Variants in PRMT3 observed in about 807,000 individuals in gnomAD.
The protein encoded by PRMT3 is protein arginine N-methyltransferase 3.
Under a neutral mutation model 71.9 loss-of-function variants are expected in PRMT3, and 62 were observed. The observed-to-expected ratio is 0.86, with a 90% CI of 0.70 to 1.07. PRMT3 has a LOEUF of 1.07. Ranked by LOEUF, PRMT3 falls within the 50% of genes least tolerant of loss-of-function variation. PRMT3 has a pLI of 0.00. For missense variants in PRMT3, 663 were observed against 643.0 expected (o/e 1.03, Z -0.34); for synonymous variants, 213 against 220.4 (o/e 0.97, Z 0.30).
chr11:20,468,419 A>T (rs1440327255), intron 13 of PRMT3, among the ~76,000 whole-genome samples: 1 of 152,126 alleles, frequency 6.6e-6, no homozygotes, highest in Non-Finnish European at 1.5e-5. Flanking sequence ...CCTAGGCTGG[A>T]GTGCAGTGGC....
intron 13 of PRMT3, among the ~76,000 whole-genome samples, chr11:20,487,468 TTA>T (rs1851102112): frequency 1.3e-5 from 2 of 152,208 alleles, no homozygotes; most frequent in Non-Finnish European, 2.9e-5. Flanking sequence ...GTATGATTCT[TTA>T]TATATTGAAG....
At chr11:20,431,512 ACTAG>A (rs968736167) in intron 10 of PRMT3, among the ~76,000 whole-genome samples, 1 of 152,160 alleles carries the variant, frequency 6.6e-6, no homozygotes, top group African/African-American at 2.4e-5. Context: ...GAGCTACTAC[ACTAG>A]CTAATTCAAT....
intron 3 of PRMT3, among the ~76,000 whole-genome samples, chr11:20,391,739 G>A (rs1268542636): frequency 1.3e-5 from 2 of 152,000 alleles, no homozygotes; most frequent in Non-Finnish European, 2.9e-5. Flanking sequence ...CTTCATTTCT[G>A]GAAAGATACG....
intron 2 of PRMT3, among the ~76,000 whole-genome samples, chr11:20,388,487 T>C (rs138999041): frequency 1.1e-3 from 164 of 152,330 alleles, no homozygotes; most frequent in African/African-American, 3.3e-3. Flanking sequence ...TCTAAGAATA[T>C]TCTGTTTTTA....
chr11:20,463,319 G>C (rs576954658), intron 12 of PRMT3, among the ~76,000 whole-genome samples: 1 of 152,296 alleles, frequency 6.6e-6, no homozygotes, highest in Admixed American at 6.5e-5. Context: ...AAGAAAAACA[G>C]TCTGCTTGAT....
chr11:20,505,772 G>C (rs1851576469), intron 15 of PRMT3, among the ~76,000 whole-genome samples: 1 of 150,894 alleles, frequency 6.6e-6, no homozygotes, highest in Non-Finnish European at 1.5e-5. Context: ...CCTTAGATAA[G>C]AAAACGTGTA....
chr11:20,445,123 ACTTTTC>A (rs1849995122), intron 10 of PRMT3, among the ~76,000 whole-genome samples: 1 of 151,910 alleles, frequency 6.6e-6, no homozygotes, highest in South Asian at 2.1e-4. Context: ...CACTTTCTTG[ACTTTTC>A]CTTTTCTAAA....
At chr11:20,473,675 G>T (rs911115117) in intron 13 of PRMT3, among the ~76,000 whole-genome samples, 6 of 152,004 alleles carry the variant, frequency 3.9e-5, no homozygotes, top group African/African-American at 1.4e-4. Context: ...TTTACATTGG[G>T]TTGCAACGTG....
intron 13 of PRMT3, among the ~76,000 whole-genome samples, chr11:20,472,183 T>C (rs1248678972): frequency 1.3e-5 from 2 of 152,136 alleles, no homozygotes; most frequent in Non-Finnish European, 2.9e-5. Flanking sequence ...TATTTAAATA[T>C]GCTTTATTTC....
intron 13 of PRMT3, among the ~76,000 whole-genome samples, chr11:20,486,831 C>CCTGCACTTCGGCAGGGCGA (rs1851085198): frequency 6.6e-6 from 1 of 152,000 alleles, no homozygotes; most frequent in Admixed American, 6.5e-5. Flanking sequence ...GCGAAGCAGG[C>CCTGCACTTCGGCAGGGCGA]AGGTGGCTTG....
At chr11:20,430,063 A>G (rs1041319544) in intron 10 of PRMT3, among the ~76,000 whole-genome samples, 11 of 152,202 alleles carry the variant, frequency 7.2e-5, no homozygotes, top group African/African-American at 2.7e-4. Flanking sequence ...ACAGTAGGCA[A>G]ATGGTAAACA....
At chr11:20,463,776 C>T (rs1029419087) in intron 12 of PRMT3, among the ~76,000 whole-genome samples, 9 of 152,154 alleles carry the variant, frequency 5.9e-5, no homozygotes, top group African/African-American at 2.2e-4. Flanking sequence ...TTACAGCACA[C>T]TTCTGGTTAG....
intron 10 of PRMT3, among the ~76,000 whole-genome samples, chr11:20,427,689 G>C (rs1432883024): frequency 6.6e-6 from 1 of 152,034 alleles, no homozygotes; most frequent in East Asian, 1.9e-4. Flanking sequence ...TCACGCCACT[G>C]CACCCCAACC....
At chr11:20,393,072 G>C in intron 5 of PRMT3, 73 bp downstream of exon 5, 3 of 922,600 alleles carry the variant, frequency 3.3e-6, no homozygotes, top group Non-Finnish European at 5.1e-6. Flanking sequence ...GAGGTAGAGT[G>C]TTTTAGGAAA....
chr11:20,421,066 T>C (rs1849414807), intron 9 of PRMT3, among the ~76,000 whole-genome samples: 1 of 151,998 alleles, frequency 6.6e-6, no homozygotes, highest in Non-Finnish European at 1.5e-5. Context: ...TGAGACAGGG[T>C]CTTAGTTTGT....
At chr11:20,456,948 A>G (rs1411492889) in intron 11 of PRMT3, among the ~76,000 whole-genome samples, 1 of 152,064 alleles carries the variant, frequency 6.6e-6, no homozygotes, top group Non-Finnish European at 1.5e-5. Context: ...ATCTTGGCTC[A>G]CTGCAACCTT....
intron 12 of PRMT3, 126 bp from the exon 13 acceptor site, chr11:20,464,334 G>C: frequency 1.5e-6 from 2 of 1,318,668 alleles, no homozygotes; most frequent in Non-Finnish European, 9.9e-7. Flanking sequence ...GCAAAACTTT[G>C]GTTTCCAATA....
intron 11 of PRMT3, among the ~76,000 whole-genome samples, chr11:20,452,493 A>G (rs1380791762): frequency 6.6e-6 from 1 of 152,150 alleles, no homozygotes; most frequent in African/African-American, 2.4e-5. Flanking sequence ...TTTGATATTC[A>G]AACTCAAATC....
chr11:20,496,600 A>AT (rs900881800), intron 15 of PRMT3, among the ~76,000 whole-genome samples: 10 of 129,658 alleles, frequency 7.7e-5, no homozygotes, highest in Admixed American at 4.4e-4. Context: ...TAGAAATAGG[A>AT]TTAGGGCAGG....
Sources: gnomAD v4.1 joint callset for allele counts (sites outside exome capture counted in the v4.1 genomes callset) on GRCh38, gnomAD v4.1.1 for gene constraint, MANE v1.5 for transcripts, NCBI Gene and HGNC (gene_info 2026-07-23, HGNC 2026-07-21) for gene names.